Variants in IGF1R observed in about 807,000 individuals in gnomAD.
IGF1R encodes the protein insulin like growth factor 1 receptor.
In IGF1R, 44 loss-of-function variants were observed where a neutral mutation model predicts 144.6. That is an observed-to-expected ratio of 0.30 (90% CI 0.24 to 0.39). The LOEUF is 0.39. Among genes scored for constraint, IGF1R ranks in the 10% least tolerant of loss-of-function variants. The pLI, the probability that IGF1R is intolerant of heterozygous loss-of-function variation, is 1.00. For synonymous variants in IGF1R, 795 were observed against 722.8 expected (o/e 1.10, Z -1.60); for missense variants, 1,355 against 1,833.7 (o/e 0.74, Z 4.77).
chr15:98,738,003 A>G (rs928240225), intron 2 of IGF1R, among the ~76,000 whole-genome samples: 4 of 152,072 alleles, frequency 2.6e-5, no homozygotes, highest in African/African-American at 2.4e-5. Context: ...TCTGAGGTGG[A>G]TGGTGGCTCT....
At chr15:98,785,108 C>G (rs1046579745) in intron 2 of IGF1R, among the ~76,000 whole-genome samples, 1 of 152,172 alleles carries the variant, frequency 6.6e-6, no homozygotes, top group Non-Finnish European at 1.5e-5. Flanking sequence ...TTTATGATTA[C>G]AATTTTAAAA....
intron 1 of IGF1R, among the ~76,000 whole-genome samples, chr15:98,684,415 G>T: frequency 6.6e-6 from 1 of 151,004 alleles, no homozygotes; most frequent in African/African-American, 2.4e-5. Context: ...GGAGGTGGGG[G>T]GTGTGGGCGG....
chr15:98,923,684 C>A (rs144412174), intron 11 of IGF1R, 192 bp from the exon 12 acceptor site: 3 of 599,256 alleles, frequency 5.0e-6, no homozygotes, highest in Non-Finnish European at 9.0e-6. Flanking sequence ...GTGAGCAGCC[C>A]GCTCAGGGGC....
intron 2 of IGF1R, among the ~76,000 whole-genome samples, chr15:98,863,711 G>A (rs576515235): frequency 3.9e-5 from 6 of 152,296 alleles, no homozygotes; most frequent in South Asian, 2.1e-4. Context: ...CCCTACAAAG[G>A]AGGTGAAGAA....
At position 98,772,148 on chromosome 15, in the gene IGF1R, C is replaced by CATGT; in HGVS notation, c.640+64043_640+64046dup. 2.6e-5 allele frequency among the ~76,000 whole-genome samples: 4 copies of CATGT among 152,192 alleles called. No individual in the cohort carries two copies. The Middle Eastern group carries it at 0.01, about 388-fold the overall frequency. On this transcript the variant is annotated intron_variant, in intron 2 of 20. Transcript: ENST00000650285. ...AAGCATGAAGTTTTTCTTTATTGACCATGTAGCAACTGTGGAATCATTTGA... is the reference window on the plus strand; with the variant it reads ...AAGCATGAAGTTTTTCTTTATTGACCATGTATGTAGCAACTGTGGAATCATTTGA...
At chr15:98,827,895 G>A (rs2056924799) in intron 2 of IGF1R, among the ~76,000 whole-genome samples, 1 of 152,160 alleles carries the variant, frequency 6.6e-6, no homozygotes, top group African/African-American at 2.4e-5. Flanking sequence ...ATTTCTTATT[G>A]TGGTATTCTG....
rs1567229940 is a variant in IGF1R at position 98,963,181 on chromosome 15, TCTC to T, written c.*5740_*5742del. Reference sequence around the variant, plus strand: ...AAATAATTTAAAGACACTTTTTTTTTCTCTGTGTGTGCAAATGTGTGTTTGTGA... The same window carrying T: ...AAATAATTTAAAGACACTTTTTTTTTTGTGTGTGCAAATGTGTGTTTGTGA... On this transcript the variant is annotated 3_prime_UTR_variant, in exon 21 of 21. Coordinates refer to ENST00000650285, the MANE Select transcript of IGF1R (RefSeq NM_000875.5). 22 of 232,436 alleles carry T rather than the reference TCTC, an allele frequency of 9.5e-5. No individual in the cohort carries two copies. Among genetic ancestry groups the T allele is most frequent in the Non-Finnish European group, 1.6e-4 (19 of 117,998 alleles). 14.4% of individuals were successfully genotyped at this position (232,436 alleles called of 1,614,324 possible).
chr15:98,713,970 T>C (rs991442024), intron 2 of IGF1R, among the ~76,000 whole-genome samples: 4 of 152,180 alleles, frequency 2.6e-5, no homozygotes, highest in African/African-American at 4.8e-5. Flanking sequence ...GGCAGCCTTA[T>C]TTCAATTAAA....
chr15:98,856,121 A>T (rs7174826), intron 2 of IGF1R, among the ~76,000 whole-genome samples: 5,932 of 152,304 alleles, frequency 0.039, 432 homozygotes, highest in African/African-American at 0.14. Flanking sequence ...GCCTTAAGCC[A>T]TTAGGACTGC....
Position 98,680,672 on chromosome 15 carries a change from C to G in IGF1R, c.95-26890C>G, listed in dbSNP as rs11635538. 6.3e-3 allele frequency among the ~76,000 whole-genome samples: 962 copies of G among 152,178 alleles called. 3 individuals are homozygous for G. Among genetic ancestry groups the G allele is most frequent in the Non-Finnish European group, 0.011 (742 of 68,008 alleles). ...CTTGAACTCCTGGGCTCAACTGATT[C>G]TGTTGTGTCACCCTCCCCAAGTAGC... On this transcript the variant is annotated intron_variant, in intron 1 of 20. Transcript: ENST00000650285.
rs555948484 is a variant in IGF1R at position 98,957,889 on chromosome 15, C to T, written c.*447C>T. On this transcript the variant is annotated 3_prime_UTR_variant, in exon 21 of 21. Transcript: ENST00000650285. ...GCCCCATCCAACCACTGTACACACC[C>T]GCCTGACACCGTGGGTCATTACAAA... 385 of 246,590 alleles carry T rather than the reference C, an allele frequency of 1.6e-3. 2 individuals are homozygous for T. Among genetic ancestry groups the T allele is most frequent in the Non-Finnish European group, 2.5e-3 (315 of 126,816 alleles). 15.3% of individuals were successfully genotyped at this position (246,590 alleles called of 1,614,324 possible). A position where few individuals can be genotyped will look rare whatever the true frequency, so the allele number is the denominator to read the frequency against.
chr15:98,696,701 A>G (rs1016929135), intron 1 of IGF1R, among the ~76,000 whole-genome samples: 1 of 152,200 alleles, frequency 6.6e-6, no homozygotes, highest in South Asian at 2.1e-4. Flanking sequence ...GTGTCGGGCT[A>G]TGATTGGCTG....
In IGF1R at chr15:98,899,584, A is replaced by T; in HGVS notation, c.1210A>T (p.Asn404Tyr). Residue 404 changes from asparagine to tyrosine, a missense_variant, in exon 5 of 21, where the codon AAC (asparagine) becomes TAC (tyrosine). Physicochemically the swap from Asn to Tyr is moderately radical, Grantham distance 143. This residue lies in a region of IGF1R where 880 missense variants were observed against 1,202.7 expected (regional missense o/e 0.73). Transcript: ENST00000650285. ...HALVSLSFLK[N>Y]LRLILGEEQL... ...CTTGGTCTCCTTGTCCTTCCTAAAA[A>T]ACCTTCGCCTCATCCTAGGAGAGGA... The T allele has an allele frequency of 6.2e-7, 1 of 1,614,126 alleles. No homozygotes were observed. Among genetic ancestry groups the T allele is most frequent in the Non-Finnish European group, 8.5e-7 (1 of 1,180,016 alleles).
At chr15:98,713,419 T>A (rs1278653819) in intron 2 of IGF1R, among the ~76,000 whole-genome samples, 1 of 151,452 alleles carries the variant, frequency 6.6e-6, no homozygotes, top group East Asian at 1.9e-4. Context: ...ATTGTTGCTG[T>A]CATTGCTACT....
At chr15:98,929,735 T>C (rs2015868186) in intron 14 of IGF1R, 75 bp downstream of exon 14, 1 of 990,112 alleles carries the variant, frequency 1.0e-6, no homozygotes, top group African/African-American at 1.6e-5. Context: ...GAAGGTGATA[T>C]TTTTGAAGAT....
intron 15 of IGF1R, among the ~76,000 whole-genome samples, chr15:98,934,138 T>C (rs910934504): frequency 6.7e-6 from 1 of 149,994 alleles, no homozygotes; most frequent in African/African-American, 2.5e-5. Context: ...TTTTGTCTAA[T>C]CTTTGAAATC....
intron 2 of IGF1R, among the ~76,000 whole-genome samples, chr15:98,771,250 A>G (rs768279959): frequency 1.4e-4 from 21 of 152,148 alleles, no homozygotes; most frequent in Non-Finnish European, 2.8e-4. Context: ...CTGTTTTTCT[A>G]AGGTGTGCTG....
intron 2 of IGF1R, among the ~76,000 whole-genome samples, chr15:98,771,022 A>C (rs1389501926): frequency 6.6e-6 from 1 of 152,164 alleles, no homozygotes; most frequent in Non-Finnish European, 1.5e-5. Flanking sequence ...GAGAATTGCT[A>C]CTGAGGACTT....
At chr15:98,819,350 G>T (rs557197046) in intron 2 of IGF1R, among the ~76,000 whole-genome samples, 20 of 152,272 alleles carry the variant, frequency 1.3e-4, no homozygotes, top group African/African-American at 4.8e-4. Context: ...TCTATGCATT[G>T]AAACCTAATC....
Sources: allele counts gnomAD v4.1 joint callset (sites outside exome capture counted in the v4.1 genomes callset), GRCh38; gene constraint gnomAD v4.1.1; regional missense constraint gnomAD v4.1.1; transcripts MANE v1.5; gene names NCBI Gene and HGNC (gene_info 2026-07-23, HGNC 2026-07-21).